The following CDH4 variants were observed in gnomAD, a reference collection of about 807,000 sequenced individuals.
The protein encoded by CDH4 is cadherin-4.
In CDH4, 33 loss-of-function variants were observed where a neutral mutation model predicts 86.0. The observed-to-expected ratio is 0.38, with a 90% CI of 0.29 to 0.51. CDH4 has a LOEUF of 0.51. Among genes scored for constraint, CDH4 ranks in the 20% least tolerant of loss-of-function variants. The pLI, the probability that CDH4 is intolerant of heterozygous loss-of-function variation, is 0.86. For synonymous variants in CDH4, 555 were observed against 549.4 expected, an observed-to-expected ratio of 1.01 and a Z score of -0.14; for missense variants, 1,114 against 1,307.4, an observed-to-expected ratio of 0.85 and a Z score of 2.28.
chr20:61,293,546 G>C (rs1481091529), intron 2 of CDH4, among the ~76,000 whole-genome samples: 1 of 152,162 alleles, frequency 6.6e-6, no homozygotes, highest in Non-Finnish European at 1.5e-5. Flanking sequence ...TGCCAAGAAA[G>C]TCAAGTCCCA....
chr20:61,477,963 G>A (rs2085548632), intron 2 of CDH4, among the ~76,000 whole-genome samples: 3 of 152,182 alleles, frequency 2.0e-5, no homozygotes, highest in Admixed American at 2.0e-4. Flanking sequence ...TTTTGTTGTG[G>A]AAAGTAAGAC....
At chr20:61,585,992 TGA>T (rs1491581646) in intron 2 of CDH4, among the ~76,000 whole-genome samples, 4 of 62,744 alleles carry the variant, frequency 6.4e-5, no homozygotes, top group Non-Finnish European at 1.1e-4. Flanking sequence ...ATGATGGTGA[TGA>T]TGATGATGGT....
chr20:61,412,032 C>A (rs931366552), intron 2 of CDH4, among the ~76,000 whole-genome samples: 18 of 152,206 alleles, frequency 1.2e-4, no homozygotes, highest in African/African-American at 4.3e-4. Context: ...AAGGCCGACT[C>A]TGGATGGGCA....
At chr20:61,494,632 G>A (rs888615043) in intron 2 of CDH4, among the ~76,000 whole-genome samples, 7 of 152,184 alleles carry the variant, frequency 4.6e-5, no homozygotes, top group African/African-American at 1.7e-4. Context: ...ATCTATATGT[G>A]AGAGAACTTG....
intron 2 of CDH4, chr20:61,370,857 C>T (rs1398693382): frequency 6.6e-6 from 1 of 151,866 alleles, no homozygotes; most frequent in Non-Finnish European, 1.5e-5. Flanking sequence ...CAGGCTCCAG[C>T]TCACTGATGA....
chr20:61,877,274 G>C (rs891046350), intron 7 of CDH4, among the ~76,000 whole-genome samples: 2 of 152,128 alleles, frequency 1.3e-5, no homozygotes, highest in East Asian at 3.9e-4. Flanking sequence ...TGACCCGGCA[G>C]CTGGACCCCC....
intron 2 of CDH4, among the ~76,000 whole-genome samples, chr20:61,618,375 G>A (rs1206648386): frequency 1.3e-5 from 2 of 152,134 alleles, no homozygotes; most frequent in African/African-American, 2.4e-5. Context: ...GATGGGGTCC[G>A]TTCAGCTGGC....
At chr20:61,763,448 G>A (rs1048902095) in intron 3 of CDH4, among the ~76,000 whole-genome samples, 4 of 152,184 alleles carry the variant, frequency 2.6e-5, no homozygotes, top group East Asian at 1.9e-4. Flanking sequence ...GCATTTTCAC[G>A]CAATGGCTAC....
intron 2 of CDH4, among the ~76,000 whole-genome samples, chr20:61,531,030 G>A (rs2085947592): frequency 6.6e-6 from 1 of 152,182 alleles, no homozygotes; most frequent in Non-Finnish European, 1.5e-5. Flanking sequence ...CAGCCTTCAG[G>A]TTTTGGAAAT....
Position 61,844,973 on chromosome 20 carries a change from G to T in CDH4, c.732+150G>T, listed in dbSNP as rs1053212830. 8.3e-6 allele frequency: 7 copies of T among 842,158 alleles called. No homozygotes were observed. The African/African-American group carries it at 8.6e-5, about 10-fold the overall frequency. The allele number at this position is 842,158 out of a possible 1,614,324, so 52.2% of individuals were successfully genotyped here. A position where few individuals can be genotyped will look rare whatever the true frequency, so the allele number is the denominator to read the frequency against. ...GCCTGGAGCAGAATCCTGGGAAGCT[G>T]GGGAAAGCCCAGGTCGCTGGGCACT... is the stretch of plus-strand genomic sequence containing the variant. On this transcript the variant is annotated intron_variant, in intron 5 of 15. Coordinates refer to ENST00000614565, the MANE Select transcript of CDH4 (RefSeq NM_001794.5).
intron 9 of CDH4, among the ~76,000 whole-genome samples, chr20:61,918,158 G>A (rs2054926182): frequency 6.6e-6 from 1 of 152,240 alleles, no homozygotes; most frequent in Non-Finnish European, 1.5e-5. Flanking sequence ...GGTGCTGGGA[G>A]CTTGGAGGCA....
intron 2 of CDH4, among the ~76,000 whole-genome samples, chr20:61,300,909 C>T (rs538086987): frequency 3.3e-5 from 5 of 152,322 alleles, no homozygotes; most frequent in African/African-American, 1.2e-4. Context: ...GTACAAAGCC[C>T]GGAGCACCAG....
chr20:61,256,727 C>A (rs1195103925), intron 2 of CDH4, among the ~76,000 whole-genome samples: 1 of 152,190 alleles, frequency 6.6e-6, no homozygotes, highest in Non-Finnish European at 1.5e-5. Flanking sequence ...AGGGCTGGTT[C>A]AGGGAAGCAT....
intron 9 of CDH4, 28 bp from the exon 10 acceptor site, chr20:61,923,423 C>T (rs754715537): frequency 1.9e-5 from 31 of 1,609,654 alleles, no homozygotes; most frequent in African/African-American, 2.7e-5. Context: ...TGTGCCAGGT[C>T]ACTCCCAGCC....
chr20:61,515,828 T>G (rs2085814896), intron 2 of CDH4, among the ~76,000 whole-genome samples: 1 of 152,164 alleles, frequency 6.6e-6, no homozygotes, highest in South Asian at 2.1e-4. Flanking sequence ...CCTAGCTCGC[T>G]CTCTCTCACT....
intron 2 of CDH4, among the ~76,000 whole-genome samples, chr20:61,651,961 G>A (rs2087126233): frequency 6.6e-6 from 1 of 152,198 alleles, no homozygotes; most frequent in African/African-American, 2.4e-5. Flanking sequence ...AAAGTCACAG[G>A]GGAGAGGAGA....
At chr20:61,781,747 A>T (rs932431158) in intron 4 of CDH4, among the ~76,000 whole-genome samples, 2 of 152,214 alleles carry the variant, frequency 1.3e-5, no homozygotes, top group African/African-American at 4.8e-5. Context: ...AGTGAAACAA[A>T]CTTACAGATT....
intron 6 of CDH4, among the ~76,000 whole-genome samples, chr20:61,862,900 C>G (rs8116147): frequency 1.3e-5 from 2 of 151,960 alleles, no homozygotes. Flanking sequence ...TATACAGCAC[C>G]GAGTTTTTGC....
chr20:61,852,155 C>G (rs1982755456), intron 5 of CDH4, among the ~76,000 whole-genome samples: 1 of 152,164 alleles, frequency 6.6e-6, no homozygotes, highest in Non-Finnish European at 1.5e-5. Flanking sequence ...ACCCATATTC[C>G]CCTGCTGTGC....
Sources: allele counts gnomAD v4.1 joint callset (sites outside exome capture counted in the v4.1 genomes callset), GRCh38; gene constraint gnomAD v4.1.1; transcripts MANE v1.5; gene names NCBI Gene and HGNC (gene_info 2026-07-23, HGNC 2026-07-21).